Variants in TCP11L2 observed in about 807,000 individuals in gnomAD.
The protein encoded by TCP11L2 is T-complex protein 11-like protein 2.
TCP11L2 carries 39 observed loss-of-function variants against 50.7 expected under a neutral mutation model. The observed-to-expected ratio is 0.77, with a 90% confidence interval of 0.60 to 1.01. The LOEUF (loss-of-function observed/expected upper bound fraction) is 1.01, where lower values mean the gene tolerates loss of function less well. TCP11L2 is among the 50% of genes least tolerant of loss of function. The pLI, the probability that TCP11L2 is intolerant of heterozygous loss-of-function variation, is 0.00. For missense variants in TCP11L2, 612 were observed against 614.7 expected (o/e 1.00, Z 0.05); for synonymous variants, 192 against 219.3 (o/e 0.88, Z 1.10).
intron 2 of TCP11L2, 124 bp downstream of exon 2, chr12:106,311,356 G>A: frequency 1.8e-6 from 2 of 1,098,882 alleles, no homozygotes; most frequent in Non-Finnish European, 2.5e-6. Context: ...CACCAGAATA[G>A]CACTGCAGAG....
chr12:106,329,802 T>G (rs1006365934), intron 6 of TCP11L2: 20 of 988,798 alleles, frequency 2.0e-5, no homozygotes, highest in Non-Finnish European at 2.2e-5. Context: ...GCTCTCTCAG[T>G]TGGATGTCTT....
rs749355754 is a variant in TCP11L2 at position 106,346,558 on chromosome 12, G to A, written c.*28G>A. On this transcript the variant is annotated 3_prime_UTR_variant, in exon 10 of 10. Coordinates refer to ENST00000299045, the MANE Select transcript of TCP11L2 (RefSeq NM_152772.3). ...AAGAACTGACATTGGACGAGAGATTGGAAATCCAGTACTTTGGTATCCAGT... is the reference window on the plus strand; with the variant it reads ...AAGAACTGACATTGGACGAGAGATTAGAAATCCAGTACTTTGGTATCCAGT... 48 of 1,595,184 alleles carry A rather than the reference G, an allele frequency of 3.0e-5. No individual in the cohort carries two copies. The highest frequency in any genetic ancestry group is 3.5e-5 in the Non-Finnish European group (41 of 1,172,022).
At chr12:106,305,567 G>GA in intron 1 of TCP11L2, among the ~76,000 whole-genome samples, 1 of 152,304 alleles carries the variant, frequency 6.6e-6, no homozygotes, top group Non-Finnish European at 1.5e-5. Context: ...GAGTGAGGCA[G>GA]AAAAGAAGGA....
intron 1 of TCP11L2, among the ~76,000 whole-genome samples, chr12:106,307,634 A>G (rs2034684473): frequency 6.6e-6 from 1 of 152,198 alleles, no homozygotes; most frequent in African/African-American, 2.4e-5. Context: ...GCAGGTATGA[A>G]GGAACTTGCG....
At chr12:106,299,698 T>A (rs958146908), upstream of TCP11L2, among the ~76,000 whole-genome samples, 1 of 152,074 alleles carries the variant, frequency 6.6e-6, no homozygotes, top group Non-Finnish European at 1.5e-5. Context: ...TAGAGAGAAA[T>A]AGGGGACAAG....
Position 106,321,523 on chromosome 12 carries a change from T to C in TCP11L2, c.452T>C (p.Leu151Pro), listed in dbSNP as rs1190528772. 1 of 1,614,110 alleles carries C rather than the reference T, an allele frequency of 6.2e-7. No individual in the cohort carries two copies. Among genetic ancestry groups the C allele is most frequent in the African/African-American group, 1.3e-5 (1 of 74,948 alleles). The stretch of plus-strand genomic sequence containing the variant: ...TTTCTCACTCCCGGTGGCAACCGGC[T>C]TCGCAACCAAATCTGTGAAGTTTTG... ...LSFLTPGGNR[L>P]RNQICEVLDT... Residue 151 changes from leucine (L) to proline (P), a missense_variant, in exon 5 of 10, where the codon CTT (leucine) becomes CCT (proline). Leu to Pro is a moderately conservative substitution (Grantham distance 98). Coordinates refer to ENST00000299045, the MANE Select transcript of TCP11L2 (RefSeq NM_152772.3).
intron 5 of TCP11L2, 92 bp from the exon 6 acceptor site, chr12:106,323,418 T>G: frequency 1.7e-6 from 2 of 1,180,074 alleles, no homozygotes; most frequent in South Asian, 1.8e-5. Flanking sequence ...TTTGGGGATG[T>G]TTATTGTTTT....
At chr12:106,309,472 C>T (rs1423133881) in intron 1 of TCP11L2, among the ~76,000 whole-genome samples, 1 of 151,910 alleles carries the variant, frequency 6.6e-6, no homozygotes, top group Non-Finnish European at 1.5e-5. Flanking sequence ...ATTTCTGTGG[C>T]AGGATTGAAG....
chr12:106,317,414 G>T (rs556929914), intron 3 of TCP11L2, among the ~76,000 whole-genome samples: 1 of 152,244 alleles, frequency 6.6e-6, no homozygotes, highest in Admixed American at 6.5e-5. Flanking sequence ...TACTTGGGAG[G>T]CTGAGGCATG....
chr12:106,316,721 C>G lies in TCP11L2; in HGVS notation c.294-1623C>G, dbSNP rs147579868. On this transcript the variant is annotated intron_variant, in intron 3 of 9. Coordinates refer to ENST00000299045, the MANE Select transcript of TCP11L2 (RefSeq NM_152772.3). ...TAATGTATTTTTTGCCTTTTTGTCC[C>G]TGCTAACATATAAGCTTTTTGAGGT... 1.2e-3 allele frequency among the ~76,000 whole-genome samples: 187 copies of G among 152,214 alleles called. 2 individuals carry two copies. The highest frequency in any genetic ancestry group is 4.1e-3 in the African/African-American group (171 of 41,524).
intron 5 of TCP11L2, 135 bp downstream of exon 5, chr12:106,321,841 A>G (rs1476742369): frequency 2.9e-6 from 2 of 692,964 alleles, no homozygotes; most frequent in East Asian, 2.6e-5. Flanking sequence ...CCATATAAGC[A>G]GAGACCATGT....
rs1217263487 is a variant in TCP11L2 at position 106,306,483 on chromosome 12, T to G, written c.-36+3542T>G. 6.6e-5 allele frequency among the ~76,000 whole-genome samples: 10 copies of G among 152,366 alleles called. No individual in the cohort carries two copies. The South Asian group carries it at 2.1e-3, about 32-fold the overall frequency. On this transcript the variant is annotated intron_variant, in intron 1 of 9. Coordinates refer to ENST00000299045, the MANE Select transcript of TCP11L2 (RefSeq NM_152772.3). ...TAACATTGGATAACAGACAGTAGAT[T>G]CAAATATTGTTAACAGTGCTATTGA...
intron 2 of TCP11L2, among the ~76,000 whole-genome samples, chr12:106,311,863 A>G (rs192710408): frequency 1.3e-5 from 2 of 152,296 alleles, no homozygotes; most frequent in East Asian, 3.9e-4. Flanking sequence ...TATTTAGTAA[A>G]TATAACAGCT....
intron 3 of TCP11L2, 96 bp from the exon 4 acceptor site, chr12:106,318,248 T>G: frequency 2.8e-6 from 4 of 1,413,454 alleles, no homozygotes; most frequent in Admixed American, 4.3e-5. Context: ...CTGTGTTTTT[T>G]TTACATTTTA....
chr12:106,321,904 G>C (rs932128781), intron 5 of TCP11L2, among the ~76,000 whole-genome samples, 198 bp downstream of exon 5: 18 of 152,208 alleles, frequency 1.2e-4, no homozygotes, highest in Non-Finnish European at 2.2e-4. Flanking sequence ...TGACAAGGTT[G>C]TTAGTTGGCA....
At position 106,340,944 on chromosome 12, in the gene TCP11L2, A is replaced by G. The variant is rs1273536475; in HGVS notation, c.1261A>G (p.Ile421Val). The G allele has an allele frequency of 2.5e-6, 4 of 1,613,708 alleles. No individual in the cohort carries two copies. Among genetic ancestry groups the G allele is most frequent in the East Asian group, 2.2e-5 (1 of 44,824 alleles). ...AAATGCTGAGATTCAAGCTAATCTT[A>G]TAGGTCAATTTTCAAGCATTGAAGA... is the stretch of plus-strand genomic sequence containing the variant. Reference protein sequence around the residue: ...TLNAEIQANLIGQFSSIEEED... With the variant: ...TLNAEIQANLVGQFSSIEEED... The change falls in exon 9 of 10, where the codon ATA (isoleucine) becomes GTA (valine). Residue 421 changes from isoleucine to valine, a missense_variant. Transcript: ENST00000299045.
At chr12:106,299,035 C>T (rs748133792), upstream of TCP11L2, among the ~76,000 whole-genome samples, 15 of 152,150 alleles carry the variant, frequency 9.9e-5, no homozygotes, top group African/African-American at 3.6e-4. Context: ...AGGCTGGTCT[C>T]GAACTCATGA....
intron 4 of TCP11L2, among the ~76,000 whole-genome samples, chr12:106,320,475 T>G (rs992702523): frequency 6.6e-6 from 1 of 152,228 alleles, no homozygotes; most frequent in South Asian, 2.1e-4. Context: ...TTGTATGATC[T>G]CCTCATGTCT....
Position 106,321,570 on chromosome 12 carries a change from C to T in TCP11L2, c.499C>T (p.Gln167Ter). Reference sequence around the variant, plus strand: ...TTTGGACACAGACCTCATTAGGCAGCAGGCTGAGCACAGTGCTGTTGACAT... The same window carrying T: ...TTTGGACACAGACCTCATTAGGCAGTAGGCTGAGCACAGTGCTGTTGACAT... Reference protein sequence around the residue: ...EVLDTDLIRQQAEHSAVDIQG... With the variant: ...EVLDTDLIRQ The change falls in exon 5 of 10, where the codon CAG (glutamine) becomes TAG (stop). Residue 167 changes from glutamine (Q) to a stop codon, truncating the protein, a stop_gained. Transcript: ENST00000299045. LOFTEE classifies it high-confidence loss of function. 2 of 1,614,238 alleles carry T rather than the reference C, an allele frequency of 1.2e-6. No individual in the cohort carries two copies. Among genetic ancestry groups the T allele is most frequent in the Non-Finnish European group, 1.7e-6 (2 of 1,180,042 alleles).
Sources: allele counts gnomAD v4.1 joint callset (sites outside exome capture counted in the v4.1 genomes callset), GRCh38; gene constraint gnomAD v4.1.1; transcripts MANE v1.5; gene names NCBI Gene and HGNC (gene_info 2026-07-23, HGNC 2026-07-21).